Variants in ZNF337 observed in about 807,000 individuals in gnomAD.
ZNF337 encodes zinc finger protein 337.
Under a neutral mutation model 12.1 loss-of-function variants are expected in ZNF337, and 8 were observed. The observed-to-expected ratio is 0.66, with a 90% CI of 0.39 to 1.19. The LOEUF (loss-of-function observed/expected upper bound fraction) is 1.19, where lower values mean the gene tolerates loss of function less well. ZNF337 is among the 50% of genes most tolerant of loss of function. The pLI is 0.01. For synonymous variants in ZNF337, 336 were observed against 320.0 expected (o/e 1.05, Z -0.53); for missense variants, 882 against 896.6 (o/e 0.98, Z 0.21).
intron 1 of ZNF337, among the ~76,000 whole-genome samples, chr20:25,688,890 A>G (rs1205068849): frequency 2.6e-5 from 4 of 152,126 alleles, no homozygotes; most frequent in Non-Finnish European, 4.4e-5. Flanking sequence ...GCACTTTGGG[A>G]GGCTGAGGCG....
At chr20:25,686,207 C>T in intron 2 of ZNF337, 85 bp from the exon 3 acceptor site, 1 of 1,594,162 alleles carries the variant, frequency 6.3e-7, no homozygotes. Context: ...CATCTGTACA[C>T]AGATCACTAC....
chr20:25,696,537 T>A (rs1006209845), intron 1 of ZNF337, among the ~76,000 whole-genome samples: 1 of 152,196 alleles, frequency 6.6e-6, no homozygotes, highest in Admixed American at 6.5e-5. Flanking sequence ...GAACGGAGAC[T>A]GAGTGGCGGC....
intron 1 of ZNF337, among the ~76,000 whole-genome samples, chr20:25,696,006 C>T (rs956490643): frequency 1.3e-5 from 2 of 151,706 alleles, no homozygotes; most frequent in African/African-American, 4.8e-5. Flanking sequence ...CGGATTTTGC[C>T]GTCATTAGCA....
intron 4 of ZNF337, among the ~76,000 whole-genome samples, chr20:25,683,526 C>A (rs531922349): frequency 8.8e-4 from 132 of 150,450 alleles, no homozygotes; most frequent in South Asian, 3.2e-3. Context: ...AAAAAAAAAA[C>A]CCCATCAAAA....
Position 25,677,975 on chromosome 20 carries a change from C to A in ZNF337, c.251-938G>T. The A allele has an allele frequency of 2.0e-5, 3 of 152,154 alleles. No homozygotes were observed. In the South Asian group the frequency reaches 6.2e-4, roughly 32 times the overall value. The allele number at this position is 152,154 out of a possible 1,614,324, so 9.4% of individuals were successfully genotyped here. On this transcript the variant is annotated intron_variant, in intron 4 of 4. Coordinates refer to ENST00000252979, the MANE Select transcript of ZNF337 (RefSeq NM_015655.4). ...AAGATAAAAGTCTTTCCTCTAAGAACTGGAAGAAGATTCGAATGTCTACTT... is the reference window on the plus strand; with the variant it reads ...AAGATAAAAGTCTTTCCTCTAAGAAATGGAAGAAGATTCGAATGTCTACTT...
chr20:25,694,935 G>A (rs1357816438), intron 1 of ZNF337, among the ~76,000 whole-genome samples: 1 of 152,222 alleles, frequency 6.6e-6, no homozygotes, highest in African/African-American at 2.4e-5. Context: ...CTCCATTAAT[G>A]TAGCCAGACC....
rs751379942 is a variant in ZNF337 at position 25,675,616 on chromosome 20, T to C, written c.1672A>G (p.Asn558Asp). 3 of 1,613,820 alleles carry C rather than the reference T, an allele frequency of 1.9e-6. No homozygotes were observed. Among genetic ancestry groups the C allele is most frequent in the East Asian group, 2.2e-5 (1 of 44,828 alleles). The change falls in exon 5 of 5, where the codon AAT becomes GAT. Residue 558 changes from asparagine to aspartate, a missense_variant. Transcript: ENST00000252979. Reference sequence around the variant, plus strand: ...TGTGTCCACTGATGTCTAAGAAGATTTGCCTTCAAACTAAAACTTTTCTCA... The same window carrying C: ...TGTGTCCACTGATGTCTAAGAAGATCTGCCTTCAAACTAAAACTTTTCTCA... Reference protein sequence around the residue: ...QCEKSFSLKANLLRHQWTHSG... With the variant: ...QCEKSFSLKADLLRHQWTHSG...
intron 4 of ZNF337, among the ~76,000 whole-genome samples, chr20:25,678,777 CAT>C (rs2065735471): frequency 6.6e-6 from 1 of 151,976 alleles, no homozygotes; most frequent in Admixed American, 6.6e-5. Flanking sequence ...GAGACCCCAT[CAT>C]TACAAAAGGT....
intron 1 of ZNF337, among the ~76,000 whole-genome samples, chr20:25,690,123 A>G (rs1424379869): frequency 3.1e-5 from 4 of 128,934 alleles, no homozygotes; most frequent in Non-Finnish European, 6.4e-5. Flanking sequence ...TCATCTCTAC[A>G]AAAAATATAA....
intron 1 of ZNF337, among the ~76,000 whole-genome samples, chr20:25,690,163 G>A (rs192107582): frequency 3.9e-5 from 6 of 152,272 alleles, no homozygotes; most frequent in Non-Finnish European, 7.4e-5. Context: ...GCACGTGCCT[G>A]TAGTCCTAGC....
At chr20:25,688,641 T>C (rs1197194456) in intron 1 of ZNF337, among the ~76,000 whole-genome samples, 1 of 152,250 alleles carries the variant, frequency 6.6e-6, no homozygotes, top group African/African-American at 2.4e-5. Flanking sequence ...TGAAATGTTA[T>C]CAAGTATTTT....
At position 25,675,807 on chromosome 20, in the gene ZNF337, C is replaced by G; in HGVS notation, c.1481G>C (p.Gly494Ala). 6.2e-7 allele frequency: 1 copy of G among 1,614,050 alleles called. No individual in the cohort carries two copies. Among genetic ancestry groups the G allele is most frequent in the Non-Finnish European group, 8.5e-7 (1 of 1,180,024 alleles). Reference protein sequence around the residue: ...EEKPYGCRECGRRFRDKSSYN... With the variant: ...EEKPYGCRECARRFRDKSSYN... ...GGAGGACTTATCCCGAAACCTTCGCCCACACTCCCGACATCCATAAGGCTT... is the reference window on the plus strand; with the variant it reads ...GGAGGACTTATCCCGAAACCTTCGCGCACACTCCCGACATCCATAAGGCTT... Residue 494 changes from glycine to alanine, a missense_variant, in exon 5 of 5, where the codon GGG becomes GCG. By Grantham distance (60) the Gly-to-Ala change is moderately conservative. Coordinates refer to ENST00000252979, the MANE Select transcript of ZNF337 (RefSeq NM_015655.4).
chr20:25,677,010 G>A lies in ZNF337; in HGVS notation c.278C>T (p.Pro93Leu). The A allele has an allele frequency of 6.2e-7, 1 of 1,612,580 alleles. No homozygotes were observed. The highest frequency in any genetic ancestry group is 8.5e-7 in the Non-Finnish European group (1 of 1,179,468). ...AGIYAEHVLRPKNLGLAHQRQ... is the reference protein window; with the variant it reads ...AGIYAEHVLRLKNLGLAHQRQ... Reference sequence around the variant, plus strand: ...CTGATGTGCAAGTCCAAGATTCTTGGGCCGCAGGACATGTTCTGCATATAT... The same window carrying A: ...CTGATGTGCAAGTCCAAGATTCTTGAGCCGCAGGACATGTTCTGCATATAT... Residue 93 changes from proline to leucine, a missense_variant, in exon 5 of 5, where the codon CCC becomes CTC. By Grantham distance (98) the Pro-to-Leu change is moderately conservative (BLOSUM62 -3). Transcript: ENST00000252979.
chr20:25,696,290 C>A (rs1468832976), intron 1 of ZNF337, among the ~76,000 whole-genome samples: 2 of 152,166 alleles, frequency 1.3e-5, no homozygotes, highest in African/African-American at 4.8e-5. Context: ...TCGGAGGGAA[C>A]CCGAGTCGGA....
At position 25,686,483 on chromosome 20, in the gene ZNF337, G is replaced by A; in HGVS notation, c.-49-17C>T. On this transcript the variant is annotated splice_polypyrimidine_tract_variant and intron_variant, in intron 1 of 4. Transcript: ENST00000252979. ...ATGGCCAATCTGTGGGAGGAGAGAA[G>A]TCAGAGGGTGGCTGGGTGCAGCTGC... 6.2e-7 allele frequency: 1 copy of A among 1,600,918 alleles called. No homozygotes were observed. Among genetic ancestry groups the A allele is most frequent in the African/African-American group, 1.3e-5 (1 of 74,762 alleles).
At chr20:25,678,462 G>C (rs2065732478) in intron 4 of ZNF337, among the ~76,000 whole-genome samples, 1 of 152,194 alleles carries the variant, frequency 6.6e-6, no homozygotes, top group Admixed American at 6.5e-5. Context: ...CAGATTCACT[G>C]CAATACCTAT....
chr20:25,679,115 T>C (rs1419846902), intron 4 of ZNF337, among the ~76,000 whole-genome samples: 1 of 152,130 alleles, frequency 6.6e-6, no homozygotes, highest in African/African-American at 2.4e-5. Context: ...AATTCCAAAA[T>C]GAGTAAGAAT....
intron 4 of ZNF337, among the ~76,000 whole-genome samples, chr20:25,680,204 GTGTT>G (rs977075934): frequency 1.3e-5 from 2 of 152,050 alleles, no homozygotes; most frequent in Admixed American, 1.3e-4. Flanking sequence ...GAAGAAATAA[GTGTT>G]TGATAGCACA....
In ZNF337 at chr20:25,675,079, G is replaced by T. The variant is rs780511516; in HGVS notation, c.2209C>A (p.Arg737Ser). Reference protein sequence around the residue: ...YYSKHLKRHLREKRFCTGSVG... With the variant: ...YYSKHLKRHLSEKRFCTGSVG... ...CTCCCTGTACAAAAACGCTTCTCACGTAAGTGTCTCTTTAAGTGCTTACTG... is the reference window on the plus strand; with the variant it reads ...CTCCCTGTACAAAAACGCTTCTCACTTAAGTGTCTCTTTAAGTGCTTACTG... The change falls in exon 5 of 5, where the codon CGT (arginine) becomes AGT (serine). Residue 737 changes from arginine to serine, a missense_variant. Physicochemically the swap from Arg to Ser is moderately radical, Grantham distance 110 (BLOSUM62 -1). Transcript: ENST00000252979. 7 of 1,612,622 alleles carry T rather than the reference G, an allele frequency of 4.3e-6. No individual in the cohort carries two copies. The highest frequency in any genetic ancestry group is 2.7e-5 in the African/African-American group (2 of 74,702).
Sources: gnomAD v4.1 joint callset for allele counts (sites outside exome capture counted in the v4.1 genomes callset) on GRCh38, gnomAD v4.1.1 for gene constraint, MANE v1.5 for transcripts, NCBI Gene and HGNC (gene_info 2026-07-23, HGNC 2026-07-21) for gene names.